The following HDAC9 variants were observed in gnomAD, a reference collection of about 807,000 sequenced individuals.
HDAC9 encodes the protein MEF-2 interacting transcription repressor (MITR) protein.
Under a neutral mutation model 139.4 loss-of-function variants are expected in HDAC9, and 41 were observed. The observed-to-expected ratio is 0.29, with a 90% confidence interval of 0.23 to 0.38. HDAC9 has a LOEUF of 0.38. Among genes scored for constraint, HDAC9 ranks in the 10% least tolerant of loss-of-function variants. HDAC9 has a pLI of 1.00. For synonymous variants in HDAC9, 517 were observed against 476.2 expected (o/e 1.09, Z -1.12); for missense variants, 1,147 against 1,297.0 (o/e 0.88, Z 1.78).
chr7:18,392,399 GGATAGATA>G (rs58794891), intron 1 of HDAC9, among the ~76,000 whole-genome samples: 13,262 of 146,784 alleles, frequency 0.09, 981 homozygotes, highest in African/African-American at 0.19. Flanking sequence ...ATAGATAGAT[GGATAGATA>G]GATAGATAGA....
At chr7:18,240,591 A>G (rs1794124805) in intron 2 of HDAC9, among the ~76,000 whole-genome samples, 1 of 152,076 alleles carries the variant, frequency 6.6e-6, no homozygotes. Flanking sequence ...GCTTTCCATG[A>G]TTTAATTTTT....
At chr7:18,470,450 G>A (rs1794636607) in intron 1 of HDAC9, among the ~76,000 whole-genome samples, 1 of 152,080 alleles carries the variant, frequency 6.6e-6, no homozygotes, top group South Asian at 2.1e-4. Flanking sequence ...CTTTTTGATG[G>A]TATTAAAATA....
At chr7:18,251,166 C>T (rs1307335026) in intron 2 of HDAC9, among the ~76,000 whole-genome samples, 1 of 152,122 alleles carries the variant, frequency 6.6e-6, no homozygotes, top group Non-Finnish European at 1.5e-5. Context: ...GCATGGAATA[C>T]CATGCATCTG....
intron 1 of HDAC9, among the ~76,000 whole-genome samples, chr7:18,364,495 A>G (rs1339034450): frequency 6.6e-6 from 1 of 152,106 alleles, no homozygotes; most frequent in Admixed American, 6.6e-5. Flanking sequence ...GTGTGTTTTG[A>G]AAGTAAAGAA....
intron 12 of HDAC9, among the ~76,000 whole-genome samples, chr7:18,686,543 C>G (rs554904134): frequency 7.4e-4 from 112 of 151,988 alleles, no homozygotes; most frequent in Non-Finnish European, 1.5e-3. Context: ...TCTTATATTA[C>G]ATACTTGATG....
At chr7:18,667,076 G>A in intron 12 of HDAC9, 1 of 985,280 alleles carries the variant, frequency 1.0e-6, no homozygotes, top group Non-Finnish European at 1.2e-6. Context: ...TGTGTAGGTT[G>A]CAATTGAACA....
Position 18,913,559 on chromosome 7 carries a change from C to G in HDAC9, c.2804-22250C>G, listed in dbSNP as rs559006801. ...TCTGTTTCCTTTGGACTCCATGTGC[C>G]TGACCCTGTGCCAGAAAATAAGAGG... On this transcript the variant is annotated intron_variant, in intron 22 of 25. Transcript: ENST00000686413. Among the ~76,000 whole-genome samples, 16 of 152,102 alleles carry G rather than the reference C, an allele frequency of 1.1e-4. No individual in the cohort carries two copies. In the South Asian group the frequency reaches 3.1e-3, roughly 30 times the overall value.
chr7:18,648,440 A>G, intron 10 of HDAC9, 26 bp from the exon 11 acceptor site: 1 of 1,527,428 alleles, frequency 6.5e-7, no homozygotes. Flanking sequence ...GTGTATACAC[A>G]CATATACATG....
chr7:18,497,881 G>T (rs1322797510), intron 2 of HDAC9, among the ~76,000 whole-genome samples: 1 of 152,014 alleles, frequency 6.6e-6, no homozygotes, highest in African/African-American at 2.4e-5. Context: ...AGCTAAGGCT[G>T]GCTACAGGTG....
intron 1 of HDAC9, among the ~76,000 whole-genome samples, chr7:18,478,670 T>C (rs571636363): frequency 2.6e-5 from 4 of 152,304 alleles, no homozygotes; most frequent in African/African-American, 9.6e-5. Context: ...AAATACAAAG[T>C]ATTGCTACTT....
At chr7:18,480,995 GGCTGCAGCC>G (rs1021848319) in intron 1 of HDAC9, among the ~76,000 whole-genome samples, 2 of 152,218 alleles carry the variant, frequency 1.3e-5, no homozygotes, top group Admixed American at 1.3e-4. Flanking sequence ...AGCCCACCTA[GGCTGCAGCC>G]CTGCAGCAGA....
At chr7:18,923,346 G>T (rs750192606) in intron 22 of HDAC9, among the ~76,000 whole-genome samples, 1 of 152,048 alleles carries the variant, frequency 6.6e-6, no homozygotes, top group Non-Finnish European at 1.5e-5. Context: ...ATGCATCTGC[G>T]AGCTTCTTTG....
chr7:18,904,299 T>A (rs985530014), intron 22 of HDAC9, among the ~76,000 whole-genome samples: 6 of 152,090 alleles, frequency 3.9e-5, no homozygotes, highest in African/African-American at 1.4e-4. Flanking sequence ...AAGGAGGATT[T>A]AAAAAAATGC....
intron 21 of HDAC9, among the ~76,000 whole-genome samples, chr7:18,861,201 T>A (rs1412340554): frequency 1.3e-5 from 2 of 152,204 alleles, no homozygotes; most frequent in African/African-American, 4.8e-5. Flanking sequence ...AAGGGACATA[T>A]ATAATTACAT....
intron 22 of HDAC9, among the ~76,000 whole-genome samples, chr7:18,926,641 AATGGATGG>A (rs1299115647): frequency 6.6e-6 from 1 of 152,050 alleles, no homozygotes; most frequent in Admixed American, 6.6e-5. Flanking sequence ...GGGATGGGTG[AATGGATGG>A]ATGGATGGAT....
At chr7:18,824,606 G>A (rs1159197537) in intron 17 of HDAC9, among the ~76,000 whole-genome samples, 1 of 152,164 alleles carries the variant, frequency 6.6e-6, no homozygotes, top group Non-Finnish European at 1.5e-5. Context: ...CTAGGAATAT[G>A]ACTGTAAAAA....
At chr7:18,441,755 A>G (rs557816656) in intron 1 of HDAC9, among the ~76,000 whole-genome samples, 113 of 151,342 alleles carry the variant, frequency 7.5e-4, no homozygotes, top group Middle Eastern at 6.8e-3. Flanking sequence ...ACACACACAC[A>G]TATATGTTTT....
At chr7:18,515,596 C>T (rs1185668060) in intron 2 of HDAC9, among the ~76,000 whole-genome samples, 2 of 152,156 alleles carry the variant, frequency 1.3e-5, no homozygotes, top group East Asian at 1.9e-4. Context: ...TCTATTTTGT[C>T]AGTGAGATCA....
chr7:18,136,857 G>T (rs980738963), intron 1 of HDAC9, among the ~76,000 whole-genome samples: 26 of 151,936 alleles, frequency 1.7e-4, no homozygotes, highest in African/African-American at 4.1e-4. Context: ...ATTGGTAGCT[G>T]GATGGGGATG....
Sources: gnomAD v4.1 joint callset for allele counts (sites outside exome capture counted in the v4.1 genomes callset) on GRCh38, gnomAD v4.1.1 for gene constraint, MANE v1.5 for transcripts, NCBI Gene and HGNC (gene_info 2026-07-23, HGNC 2026-07-21) for gene names.